Variants in PSG2 observed in about 807,000 individuals in gnomAD.
PSG2 encodes the protein pregnancy-specific beta-1-glycoprotein 2.
A neutral mutation model predicts 36.2 loss-of-function variants in PSG2; 49 were observed. The ratio of observed to expected loss-of-function variants is 1.35; its 90% CI spans 1.08 to 1.72. PSG2 has a LOEUF of 1.72. Among genes scored for constraint, PSG2 ranks in the 40% most tolerant of loss-of-function variants. PSG2 has a pLI of 0.00. For synonymous variants in PSG2, 261 were observed against 155.6 expected, an observed-to-expected ratio of 1.68 and a Z score of -5.04; for missense variants, 605 against 407.2, an observed-to-expected ratio of 1.49 and a Z score of -4.18.
intron 2 of PSG2, among the ~76,000 whole-genome samples, chr19:43,078,069 C>A (rs1015332919): frequency 6.6e-6 from 1 of 151,660 alleles, no homozygotes; most frequent in African/African-American, 2.4e-5. Flanking sequence ...CCTCTGACAC[C>A]CTGGTGAGTC....
chr19:43,077,042 A>G (rs1241559759), intron 2 of PSG2, among the ~76,000 whole-genome samples: 1 of 151,682 alleles, frequency 6.6e-6, no homozygotes, highest in Non-Finnish European at 1.5e-5. Context: ...TCAGGAGTTT[A>G]GACCTCATGT....
chr19:43,064,718 A>T (rs1029080019), intron 5 of PSG2, 117 bp from the exon 6 acceptor site: 5 of 372,620 alleles, frequency 1.3e-5, no homozygotes, highest in Non-Finnish European at 2.6e-5. Context: ...ATCTAATGAG[A>T]ATTTATTATG....
At chr19:43,071,570 A>C in intron 4 of PSG2, 130 bp downstream of exon 4, 1 of 1,604,472 alleles carries the variant, frequency 6.2e-7, no homozygotes, top group Non-Finnish European at 8.5e-7. Flanking sequence ...AGGGTTCAGG[A>C]GGAGAATTTG....
intron 5 of PSG2, among the ~76,000 whole-genome samples, chr19:43,064,871 A>C (rs1042331238): frequency 1.3e-5 from 2 of 151,776 alleles, no homozygotes; most frequent in Non-Finnish European, 2.9e-5. Context: ...TCACTCTGTC[A>C]CCCAGACTGG....
rs778070662 is a variant in PSG2, at chr19:43,080,984, G to C, written c.327C>G (p.Ile109Met). 6.2e-7 allele frequency: 1 copy of C among 1,612,962 alleles called. No individual in the cohort carries two copies. The highest frequency in any genetic ancestry group is 2.2e-5 in the East Asian group (1 of 44,888). ...ETAYSNASLL[I>M]QNVTREDAGS... Reference sequence around the variant, plus strand: ...CTGCGTCCTCCCGGGTGACATTCTGGATCAGCAGGGATGCATTGGAATATG... The same window carrying C: ...CTGCGTCCTCCCGGGTGACATTCTGCATCAGCAGGGATGCATTGGAATATG... Residue 109 changes from isoleucine to methionine, a missense_variant, in exon 2 of 6, where the codon ATC (isoleucine) becomes ATG (methionine). By Grantham distance (10) the Ile-to-Met change is conservative. Transcript: ENST00000406487.
intron 4 of PSG2, among the ~76,000 whole-genome samples, chr19:43,071,209 G>A (rs1040839472): frequency 1.3e-5 from 2 of 151,672 alleles, no homozygotes; most frequent in Admixed American, 6.6e-5. Context: ...GTCACCAGAG[G>A]AGCCCAGAGC....
chr19:43,081,105 T>C lies in PSG2; in HGVS notation c.206A>G (p.Lys69Arg). 1 of 1,612,862 alleles carries C rather than the reference T, an allele frequency of 6.2e-7. No homozygotes were observed. The highest frequency in any genetic ancestry group is 8.5e-7 in the Non-Finnish European group (1 of 1,179,682). The change falls in exon 2 of 6, where the codon AAA becomes AGA. Residue 69 changes from lysine (K) to arginine (R), a missense_variant. By Grantham distance (26) the Lys-to-Arg change is conservative. Coordinates refer to ENST00000406487, the MANE Select transcript of PSG2 (RefSeq NM_031246.4). ...ATGGTAGAGGTCCCTGATTTGCCCT[T>C]TGTACCAGATGTAGCCAGTAAGATT... ...PQNLTGYIWYKGQIRDLYHYI... is the reference protein window; with the variant it reads ...PQNLTGYIWYRGQIRDLYHYI...
chr19:43,076,870 A>T (rs962953278), intron 2 of PSG2, among the ~76,000 whole-genome samples: 1 of 151,620 alleles, frequency 6.6e-6, no homozygotes, highest in Non-Finnish European at 1.5e-5. Flanking sequence ...CTGGTTTAGC[A>T]TCCCAAATCT....
At chr19:43,065,389 G>C (rs916125224) in intron 5 of PSG2, 15 of 151,574 alleles carry the variant, frequency 9.9e-5, no homozygotes, top group Admixed American at 3.3e-4. Flanking sequence ...GAAAATCATT[G>C]ATTTAGTTTT....
intron 3 of PSG2, 152 bp downstream of exon 3, chr19:43,075,202 C>G: frequency 2.6e-6 from 4 of 1,529,294 alleles, no homozygotes; most frequent in Non-Finnish European, 3.6e-6. Flanking sequence ...TAGGCCTATT[C>G]TGGTTTGCCT....
Position 43,075,572 on chromosome 19 carries a change from G to C in PSG2, c.491C>G (p.Thr164Ser), listed in dbSNP as rs753172102. ...CTCAGGATCACAGGTTAAGATCACA[G>C]TTTCCATGGCCTCCCTGGGGTTTAA... ...SNLNPREAME[T>S]VILTCDPETP... is the part of the protein sequence containing the mutation. The change falls in exon 3 of 6, where the codon ACT becomes AGT. Residue 164 changes from threonine (T) to serine (S), a missense_variant. Thr to Ser is a moderately conservative substitution (Grantham distance 58, BLOSUM62 1). Transcript: ENST00000406487. 29 of 1,613,324 alleles carry C rather than the reference G, an allele frequency of 1.8e-5. No homozygotes were observed. The Middle Eastern group carries it at 8.3e-4, about 46-fold the overall frequency.
intron 2 of PSG2, among the ~76,000 whole-genome samples, chr19:43,079,235 C>CG: frequency 6.6e-6 from 1 of 151,590 alleles, no homozygotes; most frequent in South Asian, 2.1e-4. Context: ...GCTACACTGA[C>CG]GTCAGAGACC....
chr19:43,069,748 C>T (rs1203364879), intron 4 of PSG2, among the ~76,000 whole-genome samples: 1 of 151,576 alleles, frequency 6.6e-6, no homozygotes, highest in East Asian at 1.9e-4. Context: ...CTGTACAACT[C>T]TTAGAAGAAA....
At chr19:43,081,379 AC>A in intron 1 of PSG2, 133 bp from the exon 2 acceptor site, 1 of 1,329,688 alleles carries the variant, frequency 7.5e-7, no homozygotes, top group Non-Finnish European at 1.0e-6. Flanking sequence ...ACACACACAC[AC>A]ACACACACAC....
chr19:43,081,200 C>T lies in PSG2; in HGVS notation c.111G>A (p.Thr37=), dbSNP rs1380672354. 12 of 1,612,442 alleles carry T rather than the reference C, an allele frequency of 7.4e-6. No individual in the cohort carries two copies. Among genetic ancestry groups the T allele is most frequent in the Admixed American group, 3.3e-5 (2 of 59,882 alleles). Residue 37 remains threonine, a synonymous_variant, in exon 2 of 6, where the codon ACG becomes ACA. Transcript: ENST00000406487. ...FWNLPTTAQV[T]IEAQPPKVSE... ...AAACTTTTGGTGGCTGGGCTTCAAT[C>T]GTGACTTGGGCAGTGGTGGGCAGGT...
At chr19:43,072,241 T>A (rs1339143861) in intron 3 of PSG2, 2 of 1,518,048 alleles carry the variant, frequency 1.3e-6, no homozygotes, top group South Asian at 1.3e-5. Context: ...CCAGCTTGGA[T>A]GTCCAGAAGT....
At position 43,072,757 on chromosome 19, in the gene PSG2, T is replaced by G. The variant is rs960213019; in HGVS notation, c.710-803A>C. On this transcript the variant is annotated intron_variant, in intron 3 of 5. Transcript: ENST00000406487. Reference sequence around the variant, plus strand: ...AGTCCTTGAAAGCCAATAACTGGTGTGTGTGTCACAAGACAGATGCATGAT... The same window carrying G: ...AGTCCTTGAAAGCCAATAACTGGTGGGTGTGTCACAAGACAGATGCATGAT... 4 of 1,496,948 alleles carry G rather than the reference T, an allele frequency of 2.7e-6. No homozygotes were observed. The East Asian group carries it at 6.8e-5, about 25-fold the overall frequency. The allele number at this position is 1,496,948 out of a possible 1,614,324, so 92.7% of individuals were successfully genotyped here. A position where few individuals can be genotyped will look rare whatever the true frequency, so the allele number is the denominator to read the frequency against.
In PSG2 at chr19:43,080,944, G is replaced by A. The variant is rs375445497; in HGVS notation, c.367C>T (p.His123Tyr). The change falls in exon 2 of 6, where the codon CAC (histidine) becomes TAC (tyrosine). Residue 123 changes from histidine (H) to tyrosine (Y), a missense_variant. By Grantham distance (83) the His-to-Tyr change is moderately conservative (BLOSUM62 2). Coordinates refer to ENST00000406487, the MANE Select transcript of PSG2 (RefSeq NM_031246.4). The part of the protein sequence containing the change: ...TREDAGSYTL[H>Y]IIKRGDGTRG... ...GTCCCATCACCTCGCTTTATGATGT[G>A]TAAGGTGTAGGATCCTGCGTCCTCC... The A allele has an allele frequency of 2.0e-5, 32 of 1,612,944 alleles. No individual in the cohort carries two copies. The highest frequency in any genetic ancestry group is 1.6e-4 in the Middle Eastern group (1 of 6,078).
rs368699332 is a variant in PSG2 at position 43,074,479 on chromosome 19, T to C, written c.709+875A>G. 2.4e-4 allele frequency among the ~76,000 whole-genome samples: 37 copies of C among 151,902 alleles called. 1 individual carries two copies. The South Asian group carries it at 7.7e-3, about 31-fold the overall frequency. Reference sequence around the variant, plus strand: ...GTTAATGTGAATTGAATTTCTTTCCTTAATTTCCTTTCAGATTGTTCATTG... The same window carrying C: ...GTTAATGTGAATTGAATTTCTTTCCCTAATTTCCTTTCAGATTGTTCATTG... On this transcript the variant is annotated intron_variant, in intron 3 of 5. Transcript: ENST00000406487.
Sources: allele counts gnomAD v4.1 joint callset (sites outside exome capture counted in the v4.1 genomes callset), GRCh38; gene constraint gnomAD v4.1.1; transcripts MANE v1.5; gene names NCBI Gene and HGNC (gene_info 2026-07-23, HGNC 2026-07-21).